CADM1: variants seen among roughly 807,000 people sequenced by gnomAD.
CADM1 encodes the protein TSLC-1.
Under a neutral mutation model 53.1 loss-of-function variants are expected in CADM1, and 15 were observed. The observed-to-expected ratio is 0.28, with a 90% CI of 0.19 to 0.44. The LOEUF is 0.44. Ranked by LOEUF, CADM1 falls within the 20% of genes least tolerant of loss-of-function variation. The probability of loss-of-function intolerance (pLI) is 1.00; values close to 1 mark genes in which losing one functional copy is unlikely to be tolerated. For missense variants in CADM1, 434 were observed against 611.3 expected (o/e 0.71, Z 3.06); for synonymous variants, 281 against 243.0 (o/e 1.16, Z -1.45).
At chr11:115,282,954 C>T (rs1445583281) in intron 1 of CADM1, among the ~76,000 whole-genome samples, 1 of 151,964 alleles carries the variant, frequency 6.6e-6, no homozygotes, top group African/African-American at 2.4e-5. Context: ...TAACGTACAC[C>T]AAGGCAAATG....
intron 1 of CADM1, among the ~76,000 whole-genome samples, chr11:115,395,676 C>T (rs1230772453): frequency 6.6e-6 from 1 of 152,112 alleles, no homozygotes; most frequent in Non-Finnish European, 1.5e-5. Context: ...ACTTGCTTAA[C>T]CTTGCCTACT....
intron 1 of CADM1, among the ~76,000 whole-genome samples, chr11:115,306,009 T>C (rs1339629088): frequency 6.7e-6 from 1 of 149,706 alleles, no homozygotes; most frequent in African/African-American, 2.5e-5. Context: ...TCAAACCACT[T>C]TCAGCAATAA....
At chr11:115,453,493 C>T (rs1948620348) in intron 1 of CADM1, among the ~76,000 whole-genome samples, 1 of 151,810 alleles carries the variant, frequency 6.6e-6, no homozygotes, top group Non-Finnish European at 1.5e-5. Flanking sequence ...AAATAACTTA[C>T]TTGTTGTCAT....
chr11:115,455,713 T>C lies in CADM1; in HGVS notation c.124+48558A>G, dbSNP rs1948669088. Among the ~76,000 whole-genome samples the C allele has an allele frequency of 1.3e-5, 2 of 152,182 alleles. 1 individual carries two copies. Among genetic ancestry groups the C allele is most frequent in the South Asian group, 4.1e-4 (2 of 4,834 alleles). ...CAAAAAACAAAAAGAGACAGTCCCT[T>C]CAAAAGCTCCTCCCCCTAAGAGGAA... is the stretch of plus-strand genomic sequence containing the variant. On this transcript the variant is annotated intron_variant, in intron 1 of 11. Transcript: ENST00000331581.
intron 1 of CADM1, among the ~76,000 whole-genome samples, chr11:115,302,944 T>C (rs1356891227): frequency 3.9e-5 from 6 of 152,160 alleles, no homozygotes; most frequent in Admixed American, 1.3e-4. Context: ...AATTACAAGA[T>C]GCCAGAAGAA....
chr11:115,467,336 G>A (rs754599499), intron 1 of CADM1, among the ~76,000 whole-genome samples: 2 of 152,164 alleles, frequency 1.3e-5, no homozygotes, highest in Non-Finnish European at 2.9e-5. Context: ...ACTGGAATGA[G>A]CTCGAATACG....
intron 1 of CADM1, among the ~76,000 whole-genome samples, chr11:115,393,527 T>A (rs1007595726): frequency 3.3e-5 from 5 of 150,064 alleles, no homozygotes; most frequent in Non-Finnish European, 7.4e-5. Context: ...AAATAAAGTA[T>A]TAGAAAAAAG....
intron 1 of CADM1, among the ~76,000 whole-genome samples, chr11:115,364,682 G>T (rs1591749719): frequency 6.6e-6 from 1 of 152,154 alleles, no homozygotes; most frequent in African/African-American, 2.4e-5. Flanking sequence ...TCAGTCAGTA[G>T]TAACACTTAA....
At chr11:115,206,338 A>G (rs1940675969) in intron 8 of CADM1, among the ~76,000 whole-genome samples, 1 of 152,068 alleles carries the variant, frequency 6.6e-6, no homozygotes, top group Non-Finnish European at 1.5e-5. Flanking sequence ...TTCACGTGTA[A>G]CTCTCCAGAC....
At chr11:115,272,132 C>CA (rs1336229263) in intron 1 of CADM1, among the ~76,000 whole-genome samples, 1 of 151,216 alleles carries the variant, frequency 6.6e-6, no homozygotes, top group Non-Finnish European at 1.5e-5. Context: ...TTGTTAAAGG[C>CA]AAAAGAAAGC....
At chr11:115,253,454 A>G (rs1387082164) in intron 1 of CADM1, among the ~76,000 whole-genome samples, 1 of 152,236 alleles carries the variant, frequency 6.6e-6, no homozygotes, top group African/African-American at 2.4e-5. Flanking sequence ...ATCACGGGAC[A>G]TAATTTTCCC....
chr11:115,334,196 C>G (rs915185226), intron 1 of CADM1, among the ~76,000 whole-genome samples: 1 of 152,150 alleles, frequency 6.6e-6, no homozygotes, highest in African/African-American at 2.4e-5. Context: ...ACACATCACA[C>G]AGAACTACAG....
intron 1 of CADM1, among the ~76,000 whole-genome samples, chr11:115,321,992 A>T (rs1331014200): frequency 6.6e-6 from 1 of 152,204 alleles, no homozygotes; most frequent in Non-Finnish European, 1.5e-5. Flanking sequence ...GCTAAAGTAC[A>T]TTTTGCCAAC....
intron 1 of CADM1, among the ~76,000 whole-genome samples, chr11:115,367,054 A>C (rs942742545): frequency 7.2e-5 from 11 of 152,250 alleles, no homozygotes; most frequent in Non-Finnish European, 1.2e-4. Context: ...AAAAGTCTTA[A>C]TAACTTATGT....
intron 1 of CADM1, among the ~76,000 whole-genome samples, chr11:115,341,435 AAAGTT>A (rs1247771777): frequency 3.3e-5 from 5 of 152,220 alleles, no homozygotes; most frequent in African/African-American, 9.6e-5. Context: ...CAGAAATGTT[AAAGTT>A]AAGTAGAATA....
intron 1 of CADM1, among the ~76,000 whole-genome samples, chr11:115,391,863 C>T (rs1302353202): frequency 6.6e-6 from 1 of 152,112 alleles, no homozygotes; most frequent in Non-Finnish European, 1.5e-5. Context: ...ACTTACAGAC[C>T]CCTTCAACAG....
At chr11:115,368,904 A>G (rs2135118127) in intron 1 of CADM1, among the ~76,000 whole-genome samples, 1 of 152,100 alleles carries the variant, frequency 6.6e-6, no homozygotes, top group Non-Finnish European at 1.5e-5. Context: ...ATTTTTAATT[A>G]ACTTTAAATT....
intron 6 of CADM1, among the ~76,000 whole-genome samples, chr11:115,216,858 C>T (rs1478575492): frequency 6.6e-6 from 1 of 152,116 alleles, no homozygotes; most frequent in Non-Finnish European, 1.5e-5. Context: ...AGTAGGGAGG[C>T]TTCTTTCCAG....
At chr11:115,265,200 A>G (rs1269614186) in intron 1 of CADM1, among the ~76,000 whole-genome samples, 1 of 152,222 alleles carries the variant, frequency 6.6e-6, no homozygotes, top group Non-Finnish European at 1.5e-5. Context: ...CCAAGGAATC[A>G]TAACATCTCC....
Sources: allele counts gnomAD v4.1 joint callset (sites outside exome capture counted in the v4.1 genomes callset), GRCh38; gene constraint gnomAD v4.1.1; transcripts MANE v1.5; gene names NCBI Gene and HGNC (gene_info 2026-07-23, HGNC 2026-07-21).